Variants in GUCY1A2 observed in about 807,000 individuals in gnomAD.
The protein encoded by GUCY1A2 is guanylate cyclase 1 soluble subunit alpha 2.
Under a neutral mutation model 63.5 loss-of-function variants are expected in GUCY1A2, and 27 were observed. The ratio of observed to expected loss-of-function variants is 0.43; its 90% CI spans 0.31 to 0.59. The LOEUF is 0.59. Ranked by LOEUF, GUCY1A2 falls within the 20% of genes least tolerant of loss-of-function variation. The pLI is 0.11. For synonymous variants in GUCY1A2, 364 were observed against 343.5 expected, an observed-to-expected ratio of 1.06 and a Z score of -0.66; for missense variants, 768 against 913.3, an observed-to-expected ratio of 0.84 and a Z score of 2.05.
chr11:106,795,009 G>T (rs771949101), intron 5 of GUCY1A2, among the ~76,000 whole-genome samples: 7 of 152,014 alleles, frequency 4.6e-5, no homozygotes, highest in African/African-American at 1.7e-4. Flanking sequence ...CATATATATC[G>T]TTATTTTGAA....
chr11:106,679,219 G>A lies in GUCY1A2; in HGVS notation c.*8330C>T. The A allele has an allele frequency of 5.3e-6, 1 of 187,558 alleles. No homozygotes were observed. The highest frequency in any genetic ancestry group is 1.1e-5 in the Non-Finnish European group (1 of 88,974). The allele number at this position is 187,558 out of a possible 1,614,324, so 11.6% of individuals were successfully genotyped here. A position where few individuals can be genotyped will look rare whatever the true frequency, so the allele number is the denominator to read the frequency against. On this transcript the variant is annotated 3_prime_UTR_variant, in exon 8 of 8. Transcript: ENST00000526355. ...CTCTATATGAATTAACCAGTTACAT[G>A]TAAGTGAAAAATCTTTGATGATTAA...
Position 106,708,589 on chromosome 11 carries a change from T to A in GUCY1A2, c.1914A>T (p.Gly638=). 6.2e-7 allele frequency: 1 copy of A among 1,612,792 alleles called. No individual in the cohort carries two copies. The highest frequency in any genetic ancestry group is 8.5e-7 in the Non-Finnish European group (1 of 1,179,206). ...ATTTGCTTGCCAGTGTGACATTATT[T>A]CCAAACAGGCAATAACGTGGCATTC... The part of the protein sequence containing the change: ...GVRMPRYCLF[G]NNVTLASKFE... Residue 638 remains glycine (G), a synonymous_variant, in exon 7 of 8, where the codon GGA becomes GGT. Transcript: ENST00000526355.
In GUCY1A2 at chr11:106,919,244, G is replaced by A. The variant is rs978504178; in HGVS notation, c.1206+20216C>T. The stretch of plus-strand genomic sequence containing the variant: ...AATATATAATCACAAATTGGCATAC[G>A]TTGGTCAAAGGCTACAAACTTTTTC... On this transcript the variant is annotated intron_variant, in intron 4 of 7. Coordinates refer to ENST00000526355, the MANE Select transcript of GUCY1A2 (RefSeq NM_000855.3). Among the ~76,000 whole-genome samples the A allele has an allele frequency of 1.1e-4, 17 of 152,160 alleles. No individual in the cohort carries two copies. The East Asian group carries it at 2.1e-3, about 19-fold the overall frequency.
chr11:106,814,321 C>T (rs760579423), intron 4 of GUCY1A2, among the ~76,000 whole-genome samples: 9 of 151,988 alleles, frequency 5.9e-5, no homozygotes, highest in East Asian at 1.9e-4. Context: ...TGATATGTCC[C>T]GGGTGCTTCA....
At chr11:106,731,738 A>G (rs1376154563) in intron 6 of GUCY1A2, among the ~76,000 whole-genome samples, 1 of 152,144 alleles carries the variant, frequency 6.6e-6, no homozygotes, top group Non-Finnish European at 1.5e-5. Context: ...CCTATACACC[A>G]ACAACATCCA....
At chr11:106,897,826 G>C (rs940647177) in intron 4 of GUCY1A2, among the ~76,000 whole-genome samples, 1 of 151,406 alleles carries the variant, frequency 6.6e-6, no homozygotes, top group Non-Finnish European at 1.5e-5. Flanking sequence ...GATGACAAAG[G>C]CATGATGTAT....
chr11:106,948,951 GGTAT>G (rs1380925080), intron 3 of GUCY1A2, among the ~76,000 whole-genome samples: 2 of 151,856 alleles, frequency 1.3e-5, no homozygotes, highest in East Asian at 3.9e-4. Flanking sequence ...TCTAGGGGAC[GGTAT>G]GTATGCCTTA....
chr11:106,919,437 G>A (rs1860412491), intron 4 of GUCY1A2, among the ~76,000 whole-genome samples: 2 of 152,006 alleles, frequency 1.3e-5, no homozygotes. Context: ...TAATTTAATT[G>A]TGATAATCAT....
At chr11:106,996,129 G>C (rs950370809) in intron 1 of GUCY1A2, among the ~76,000 whole-genome samples, 26 of 152,306 alleles carry the variant, frequency 1.7e-4, no homozygotes, top group African/African-American at 5.5e-4. Flanking sequence ...CCAGTCGCAT[G>C]CCTGGGTTTC....
At chr11:106,706,656 C>CTTTTT (rs200165244) in intron 7 of GUCY1A2, among the ~76,000 whole-genome samples, 1 of 137,734 alleles carries the variant, frequency 7.3e-6, no homozygotes, top group African/African-American at 2.7e-5. Flanking sequence ...TTTTACACAT[C>CTTTTT]TTTTTTTTTT....
At chr11:106,867,581 A>G (rs968996006) in intron 4 of GUCY1A2, among the ~76,000 whole-genome samples, 1 of 152,144 alleles carries the variant, frequency 6.6e-6, no homozygotes, top group African/African-American at 2.4e-5. Flanking sequence ...TCAGCATCTT[A>G]TAACATATTT....
intron 4 of GUCY1A2, among the ~76,000 whole-genome samples, chr11:106,863,257 GT>G (rs1371862140): frequency 6.6e-6 from 1 of 152,032 alleles, no homozygotes; most frequent in African/African-American, 2.4e-5. Context: ...TTCTTCTATG[GT>G]TTTTTGGTTT....
At chr11:106,713,361 G>A (rs1347292971) in intron 6 of GUCY1A2, among the ~76,000 whole-genome samples, 5 of 152,064 alleles carry the variant, frequency 3.3e-5, no homozygotes, top group Non-Finnish European at 5.9e-5. Context: ...AAAAACTTAA[G>A]CCTGTTTCTG....
At chr11:106,752,954 G>A (rs1863909623) in intron 6 of GUCY1A2, among the ~76,000 whole-genome samples, 1 of 152,102 alleles carries the variant, frequency 6.6e-6, no homozygotes, top group African/African-American at 2.4e-5. Flanking sequence ...CACAATGGTT[G>A]AACTAATTTA....
At chr11:106,961,250 C>T (rs549076380) in intron 3 of GUCY1A2, among the ~76,000 whole-genome samples, 20 of 151,832 alleles carry the variant, frequency 1.3e-4, no homozygotes, top group African/African-American at 4.6e-4. Context: ...TCTTAGAGAA[C>T]GAAGGCAAGA....
chr11:106,699,973 C>T (rs1862790741), intron 7 of GUCY1A2, among the ~76,000 whole-genome samples: 1 of 151,862 alleles, frequency 6.6e-6, no homozygotes, highest in South Asian at 2.1e-4. Flanking sequence ...TTAGTAGAGA[C>T]GGGGTTTCAC....
chr11:106,714,063 T>G (rs950916983), intron 6 of GUCY1A2, among the ~76,000 whole-genome samples: 1 of 151,900 alleles, frequency 6.6e-6, no homozygotes, highest in Admixed American at 6.6e-5. Context: ...TACCAACTAT[T>G]TGAAAGGCTT....
intron 4 of GUCY1A2, among the ~76,000 whole-genome samples, chr11:106,938,598 T>G (rs1860710210): frequency 6.6e-6 from 1 of 152,164 alleles, no homozygotes; most frequent in South Asian, 2.1e-4. Flanking sequence ...CTATACAAAT[T>G]TCTGTCCTGG....
rs866485188 is a variant in GUCY1A2 at position 106,914,986 on chromosome 11, C to T, written c.1206+24474G>A. 1.3e-5 allele frequency among the ~76,000 whole-genome samples: 2 copies of T among 152,040 alleles called. 1 individual carries two copies. The highest frequency in any genetic ancestry group is 4.1e-4 in the South Asian group (2 of 4,820). ...ATGTTGAAATTTAAAAAAACGCCAA[C>T]CTAGAATTGTATGTACAGCAATCCT... On this transcript the variant is annotated intron_variant, in intron 4 of 7. Transcript: ENST00000526355.
Sources: allele counts gnomAD v4.1 joint callset (sites outside exome capture counted in the v4.1 genomes callset), GRCh38; gene constraint gnomAD v4.1.1; transcripts MANE v1.5; gene names NCBI Gene and HGNC (gene_info 2026-07-23, HGNC 2026-07-21).